Variants in FAM149B1 observed in about 807,000 individuals in gnomAD.
FAM149B1 encodes the protein family with sequence similarity 149 member B1, also known as primary cilium assembly protein FAM149B1.
Under a neutral mutation model 75.3 loss-of-function variants are expected in FAM149B1, and 56 were observed. That is an observed-to-expected ratio of 0.74 (90% CI 0.60 to 0.93). FAM149B1 has a LOEUF of 0.93. Ranked by LOEUF, FAM149B1 falls within the 40% of genes least tolerant of loss-of-function variation. The probability of loss-of-function intolerance (pLI) is 0.00; values close to 1 mark genes in which losing one functional copy is unlikely to be tolerated. For synonymous variants in FAM149B1, 259 were observed against 256.1 expected, an observed-to-expected ratio of 1.01 and a Z score of -0.11; for missense variants, 639 against 708.4, an observed-to-expected ratio of 0.90 and a Z score of 1.11.
Position 73,239,385 on chromosome 10 carries a change from G to A in FAM149B1, c.1675+1G>A. ...GCCCGACCTGGCAGGGGATCTGCAGGTAAAGGTGGGGCCATGGCCCTTATT... is the reference window on the plus strand; with the variant it reads ...GCCCGACCTGGCAGGGGATCTGCAGATAAAGGTGGGGCCATGGCCCTTATT... On this transcript the variant is annotated splice_donor_variant, in intron 13 of 13. Transcript: ENST00000242505. LOFTEE classifies it high-confidence loss of function. The A allele has an allele frequency of 6.4e-7, 1 of 1,551,198 alleles. No individual in the cohort carries two copies. Among genetic ancestry groups the A allele is most frequent in the Non-Finnish European group, 8.7e-7 (1 of 1,146,578 alleles).
At chr10:73,222,394 G>A (rs1453267536) in intron 7 of FAM149B1, among the ~76,000 whole-genome samples, 1 of 152,112 alleles carries the variant, frequency 6.6e-6, no homozygotes, top group East Asian at 1.9e-4. Flanking sequence ...CTTGTTCCAC[G>A]TGAGCAGCAA....
chr10:73,243,528 G>C lies in FAM149B1; in HGVS notation c.*2509G>C. ...CGATCCTTTTGTCTGCTCTGTTTGAGAAGTTAAAACACAAGCTTTCACAAC... is the reference window on the plus strand; with the variant it reads ...CGATCCTTTTGTCTGCTCTGTTTGACAAGTTAAAACACAAGCTTTCACAAC... On this transcript the variant is annotated 3_prime_UTR_variant, in exon 14 of 14. Transcript: ENST00000242505. The C allele has an allele frequency of 6.2e-7, 1 of 1,613,892 alleles. No homozygotes were observed. Among genetic ancestry groups the C allele is most frequent in the Non-Finnish European group, 8.5e-7 (1 of 1,179,972 alleles).
intron 6 of FAM149B1, among the ~76,000 whole-genome samples, chr10:73,209,164 ACAG>A (rs2043131721): frequency 6.6e-6 from 1 of 152,176 alleles, no homozygotes. Flanking sequence ...AAATGTATAT[ACAG>A]GCTGGGCGCG....
intron 7 of FAM149B1, among the ~76,000 whole-genome samples, chr10:73,218,303 T>G (rs1057179955): frequency 2.0e-5 from 3 of 152,172 alleles, no homozygotes; most frequent in African/African-American, 4.8e-5. Context: ...TGAATCATCT[T>G]TCATTTTTTC....
At chr10:73,236,506 T>A (rs762223950) in intron 12 of FAM149B1, among the ~76,000 whole-genome samples, 39 of 151,146 alleles carry the variant, frequency 2.6e-4, no homozygotes, top group Non-Finnish European at 5.5e-4. Flanking sequence ...CTCTGCCTAC[T>A]GGGTTCATGT....
chr10:73,208,519 C>T, intron 5 of FAM149B1, 100 bp from the exon 6 acceptor site: 3 of 716,310 alleles, frequency 4.2e-6, no homozygotes, highest in Non-Finnish European at 6.7e-6. Flanking sequence ...AAGGTATTGC[C>T]AGGGCAAGGG....
intron 7 of FAM149B1, among the ~76,000 whole-genome samples, chr10:73,221,682 C>G (rs1000940171): frequency 1.3e-5 from 2 of 151,970 alleles, no homozygotes; most frequent in South Asian, 2.1e-4. Context: ...GGTTTGTTTT[C>G]ATTGTTTGGA....
intron 13 of FAM149B1, among the ~76,000 whole-genome samples, chr10:73,240,122 G>A (rs1043189517): frequency 6.6e-6 from 1 of 152,178 alleles, no homozygotes; most frequent in African/African-American, 2.4e-5. Context: ...GTCTTGCTAT[G>A]TTGCCCAGGC....
At chr10:73,194,025 A>G (rs1475751124) in intron 5 of FAM149B1, among the ~76,000 whole-genome samples, 1 of 152,080 alleles carries the variant, frequency 6.6e-6, no homozygotes, top group Admixed American at 6.6e-5. Context: ...TCTTTCTCTT[A>G]TTATAAAGCT....
chr10:73,205,489 A>G (rs891718503), intron 5 of FAM149B1, among the ~76,000 whole-genome samples: 2 of 152,168 alleles, frequency 1.3e-5, no homozygotes, highest in Non-Finnish European at 2.9e-5. Flanking sequence ...CTGCAGAGCC[A>G]TAAGCCAATT....
At chr10:73,177,714 T>G in intron 2 of FAM149B1, 132 bp from the exon 3 acceptor site, 2 of 746,474 alleles carry the variant, frequency 2.7e-6, no homozygotes, top group Non-Finnish European at 2.2e-6. Flanking sequence ...TCTTCATTTA[T>G]TTTTGCCTAT....
At chr10:73,184,353 A>C (rs2042469350) in intron 3 of FAM149B1, among the ~76,000 whole-genome samples, 1 of 152,170 alleles carries the variant, frequency 6.6e-6, no homozygotes, top group South Asian at 2.1e-4. Flanking sequence ...ACTGAATGGA[A>C]AGGAGAAATA....
At chr10:73,226,231 GCA>G (rs1168177889) in intron 7 of FAM149B1, among the ~76,000 whole-genome samples, 11 of 152,202 alleles carry the variant, frequency 7.2e-5, no homozygotes, top group Admixed American at 3.3e-4. Flanking sequence ...TTTGGGCCGG[GCA>G]CAGTGGTTCA....
chr10:73,185,925 A>T (rs553084513), intron 3 of FAM149B1, among the ~76,000 whole-genome samples: 1 of 152,352 alleles, frequency 6.6e-6, no homozygotes, highest in East Asian at 1.9e-4. Flanking sequence ...CAGAAAAGAA[A>T]GAACAGTTCC....
At chr10:73,228,320 C>CA in intron 8 of FAM149B1, 136 bp downstream of exon 8, 1 of 682,484 alleles carries the variant, frequency 1.5e-6, no homozygotes, top group Non-Finnish European at 2.5e-6. Context: ...CATAATAATC[C>CA]AGTGACTCTT....
At chr10:73,221,792 T>C (rs1157682150) in intron 7 of FAM149B1, among the ~76,000 whole-genome samples, 1 of 152,182 alleles carries the variant, frequency 6.6e-6, no homozygotes, top group Non-Finnish European at 1.5e-5. Flanking sequence ...CATTGATCCC[T>C]CAGGTAACTC....
chr10:73,174,490 G>T (rs1233056944), intron 1 of FAM149B1, among the ~76,000 whole-genome samples, 197 bp from the exon 2 acceptor site: 1 of 152,058 alleles, frequency 6.6e-6, no homozygotes, highest in Non-Finnish European at 1.5e-5. Context: ...ATGAAGTATT[G>T]CAAATTCTTC....
chr10:73,233,009 C>A lies in FAM149B1; in HGVS notation c.1198C>A (p.Arg400=), dbSNP rs1233151424. ...CCTTTCAACTCGAAATTGGCCAAATCGAGCTGTGGAGTTTAGTACATCATC... is the reference window on the plus strand; with the variant it reads ...CCTTTCAACTCGAAATTGGCCAAATAGAGCTGTGGAGTTTAGTACATCATC... ...TILSTRNWPN[R]AVEFSTSSLS... The change falls in exon 10 of 14, where the codon CGA becomes AGA. Residue 400 remains arginine, a synonymous_variant. Coordinates refer to ENST00000242505, the MANE Select transcript of FAM149B1 (RefSeq NM_173348.2). The A allele has an allele frequency of 4.5e-6, 7 of 1,551,764 alleles. No homozygotes were observed. The Admixed American group carries it at 1.2e-4, about 26-fold the overall frequency.
chr10:73,200,403 C>T (rs2042905113), intron 5 of FAM149B1: 4 of 580,846 alleles, frequency 6.9e-6, no homozygotes, highest in Non-Finnish European at 1.4e-5. Context: ...ATGGGAGCAA[C>T]CTGTCATGCC....
Sources: gnomAD v4.1 joint callset for allele counts (sites outside exome capture counted in the v4.1 genomes callset) on GRCh38, gnomAD v4.1.1 for gene constraint, MANE v1.5 for transcripts, NCBI Gene and HGNC (gene_info 2026-07-23, HGNC 2026-07-21) for gene names.